The following ADGRG7 variants were observed in gnomAD, a reference collection of about 807,000 sequenced individuals.
ADGRG7 encodes the protein G-protein coupled receptor 128.
Under a neutral mutation model 88.6 loss-of-function variants are expected in ADGRG7, and 82 were observed. That is an observed-to-expected ratio of 0.93 (90% CI 0.77 to 1.11). The LOEUF (loss-of-function observed/expected upper bound fraction) is 1.11. ADGRG7 is among the 50% of genes most tolerant of loss of function. The pLI is 0.00. For synonymous variants in ADGRG7, 381 were observed against 345.2 expected, an observed-to-expected ratio of 1.10 and a Z score of -1.15; for missense variants, 945 against 953.4, an observed-to-expected ratio of 0.99 and a Z score of 0.12.
chr3:100,651,763 A>G (rs369539160), intron 11 of ADGRG7, among the ~76,000 whole-genome samples: 12 of 152,104 alleles, frequency 7.9e-5, no homozygotes, highest in African/African-American at 2.9e-4. Context: ...GAATTATAAA[A>G]TTTTCTTTGT....
chr3:100,661,372 T>A (rs969550860), intron 14 of ADGRG7, among the ~76,000 whole-genome samples: 4 of 152,192 alleles, frequency 2.6e-5, no homozygotes, highest in African/African-American at 9.7e-5. Context: ...ACCAGATGAG[T>A]AAAAGCCACC....
Position 100,645,988 on chromosome 3 carries a change from GC to G in ADGRG7, c.991del (p.Leu331PhefsTer91). The G allele has an allele frequency of 6.2e-7, 1 of 1,613,624 alleles. No homozygotes were observed. Among genetic ancestry groups the G allele is most frequent in the East Asian group, 2.2e-5 (1 of 44,842 alleles). On this transcript the variant is annotated frameshift_variant, in exon 9 of 16. Transcript: ENST00000273352. LOFTEE classifies it high-confidence loss of function. ...CGFVVYQNDK[L>X]FQSKTFTAKS... The stretch of plus-strand genomic sequence containing the variant: ...GCTTTGTAGTTTATCAAAATGACAA[GC>G]TTTTCCAATCAAAAACTTTTACAGC...
chr3:100,672,299 TTTTATTCTC>T lies in ADGRG7; in HGVS notation c.2136+3198_2136+3206del, dbSNP rs1323153974. ...ACCTTGTAAGTTGTATTTCTAGATA[TTTTATTCTC>T]TTTGTACCAATTGTGAATGGGAGTT... On this transcript the variant is annotated intron_variant, in intron 15 of 15. Coordinates refer to ENST00000273352, the MANE Select transcript of ADGRG7 (RefSeq NM_032787.3). Among the ~76,000 whole-genome samples, 6 of 152,332 alleles carry T rather than the reference TTTTATTCTC, an allele frequency of 3.9e-5. No homozygotes were observed. The East Asian group carries it at 1.2e-3, about 29-fold the overall frequency.
At chr3:100,629,099 A>G (rs549853093) in intron 1 of ADGRG7, among the ~76,000 whole-genome samples, 28 of 152,158 alleles carry the variant, frequency 1.8e-4, no homozygotes, top group African/African-American at 6.3e-4. Context: ...TGATTTTTGC[A>G]GTTCGTATCC....
intron 10 of ADGRG7, among the ~76,000 whole-genome samples, chr3:100,648,611 T>C (rs946054565): frequency 2.6e-5 from 4 of 152,160 alleles, no homozygotes; most frequent in Non-Finnish European, 5.9e-5. Flanking sequence ...CAAACCCCTG[T>C]ATGTTTGTGT....
chr3:100,628,976 T>A (rs1344558691), intron 1 of ADGRG7, among the ~76,000 whole-genome samples: 1 of 152,204 alleles, frequency 6.6e-6, no homozygotes, highest in Non-Finnish European at 1.5e-5. Flanking sequence ...TTGGTTTGGT[T>A]TATAAAGTCC....
At chr3:100,659,613 A>G (rs1326538949) in intron 13 of ADGRG7, 75 bp from the exon 14 acceptor site, 6 of 1,262,126 alleles carry the variant, frequency 4.8e-6, no homozygotes, top group East Asian at 2.4e-5. Flanking sequence ...GTGAATGTCA[A>G]TAGTGTTAAT....
At chr3:100,686,629 G>A (rs576864737) in intron 15 of ADGRG7, among the ~76,000 whole-genome samples, 46 of 152,288 alleles carry the variant, frequency 3.0e-4, no homozygotes, top group African/African-American at 1.1e-3. Flanking sequence ...TTATTAAATA[G>A]GGAATCCTTT....
chr3:100,633,639 A>G (rs542655965), intron 4 of ADGRG7, among the ~76,000 whole-genome samples: 33 of 152,168 alleles, frequency 2.2e-4, no homozygotes, highest in African/African-American at 7.5e-4. Context: ...ATCCTCCTGC[A>G]TCAGCCTCCT....
intron 1 of ADGRG7, among the ~76,000 whole-genome samples, chr3:100,615,664 G>T (rs1707214738): frequency 6.6e-6 from 1 of 152,178 alleles, no homozygotes; most frequent in Non-Finnish European, 1.5e-5. Context: ...AGACATGGAT[G>T]GACCTCCTTC....
chr3:100,638,470 G>C (rs1707583818), intron 6 of ADGRG7, among the ~76,000 whole-genome samples: 1 of 152,182 alleles, frequency 6.6e-6, no homozygotes, highest in African/African-American at 2.4e-5. Flanking sequence ...TACCAGCTGA[G>C]TCTGGGGTCT....
At chr3:100,692,185 C>T (rs2094995056) in intron 15 of ADGRG7, among the ~76,000 whole-genome samples, 3 of 152,120 alleles carry the variant, frequency 2.0e-5, no homozygotes, top group Admixed American at 2.0e-4. Context: ...GAATTGCTAC[C>T]ACCATATTTA....
At chr3:100,686,964 C>A (rs1220862292) in intron 15 of ADGRG7, among the ~76,000 whole-genome samples, 5 of 152,238 alleles carry the variant, frequency 3.3e-5, no homozygotes, top group African/African-American at 1.2e-4. Flanking sequence ...TATAAATTAC[C>A]TTGGGCAGTA....
At chr3:100,618,442 C>T (rs1369694951) in intron 1 of ADGRG7, among the ~76,000 whole-genome samples, 1 of 152,160 alleles carries the variant, frequency 6.6e-6, no homozygotes, top group African/African-American at 2.4e-5. Flanking sequence ...TTCGGCTAGC[C>T]AGTTTTCCCA....
intron 13 of ADGRG7, among the ~76,000 whole-genome samples, chr3:100,659,439 CAAAAAAAAAAA>C (rs373835556): frequency 4.9e-5 from 4 of 80,904 alleles, no homozygotes; most frequent in Non-Finnish European, 6.1e-5. Flanking sequence ...GACTCAGTCT[CAAAAAAAAAAA>C]AAAAAAAAAA....
At chr3:100,627,642 T>A (rs1165640578) in intron 1 of ADGRG7, among the ~76,000 whole-genome samples, 2 of 152,186 alleles carry the variant, frequency 1.3e-5, no homozygotes, top group Admixed American at 6.5e-5. Flanking sequence ...AGATTGGTGT[T>A]ATTTCTTTTC....
chr3:100,659,803 T>A lies in ADGRG7; in HGVS notation c.1939T>A (p.Ser647Thr). The A allele has an allele frequency of 6.2e-7, 1 of 1,614,010 alleles. No individual in the cohort carries two copies. The highest frequency in any genetic ancestry group is 1.1e-5 in the South Asian group (1 of 91,036). ...CAATGTTGTTATGTTTATTACAATC[T>A]CGATCAAAGTGCTGTGGAAGAATAA... ...ISNVVMFITI[S>T]IKVLWKNNQN... The change falls in exon 14 of 16, where the codon TCG (serine) becomes ACG (threonine). Residue 647 changes from serine to threonine, a missense_variant. Coordinates refer to ENST00000273352, the MANE Select transcript of ADGRG7 (RefSeq NM_032787.3).
chr3:100,685,901 G>T (rs891929976), intron 15 of ADGRG7, among the ~76,000 whole-genome samples: 1 of 152,016 alleles, frequency 6.6e-6, no homozygotes, highest in Non-Finnish European at 1.5e-5. Flanking sequence ...GTAATGGGAT[G>T]GCTGGGTCAA....
At chr3:100,612,488 A>G (rs1306178444) in intron 1 of ADGRG7, among the ~76,000 whole-genome samples, 1 of 152,190 alleles carries the variant, frequency 6.6e-6, no homozygotes, top group Non-Finnish European at 1.5e-5. Context: ...TTCACTCTTG[A>G]TGATGAAAGT....
Sources: gnomAD v4.1 joint callset for allele counts (sites outside exome capture counted in the v4.1 genomes callset) on GRCh38, gnomAD v4.1.1 for gene constraint, MANE v1.5 for transcripts, NCBI Gene and HGNC (gene_info 2026-07-23, HGNC 2026-07-21) for gene names.